ACYP2: variants seen among roughly 807,000 people sequenced by gnomAD.
ACYP2 encodes acylphosphatase-2.
Under a neutral mutation model 11.2 loss-of-function variants are expected in ACYP2, and 12 were observed. The ratio of observed to expected loss-of-function variants is 1.08; its 90% CI spans 0.69 to 1.74. The LOEUF is 1.74. Ranked by LOEUF, ACYP2 falls within the 40% of genes most tolerant of loss-of-function variation. ACYP2 has a pLI of 0.00. For synonymous variants in ACYP2, 43 were observed against 32.2 expected (o/e 1.33, Z -1.13); for missense variants, 134 against 101.9 (o/e 1.31, Z -1.35).
chr2:54,021,124 C>G (rs1027247846), intron 2 of ACYP2, among the ~76,000 whole-genome samples: 1 of 152,074 alleles, frequency 6.6e-6, no homozygotes, highest in Non-Finnish European at 1.5e-5. Context: ...ACAGTCTAAG[C>G]TAATTCTGAT....
chr2:54,255,284 T>A lies in ACYP2; in HGVS notation c.405-49404T>A, dbSNP rs546496228. The A allele has an allele frequency of 1.0e-4, 161 of 1,614,166 alleles. 1 individual carries two copies. In the South Asian group the frequency reaches 1.7e-3, roughly 17 times the overall value. ...AAGAAGAACTTAAACTTGCAGCCTG[T>A]CCTAGGGTGTCTGAGCTCCTTCACT... is the stretch of plus-strand genomic sequence containing the variant. On this transcript the variant is annotated intron_variant, in intron 6 of 6. Coordinates refer to ENST00000607452, the MANE Select transcript of ACYP2 (RefSeq NM_001320586.2).
intron 6 of ACYP2, among the ~76,000 whole-genome samples, chr2:54,191,866 A>C (rs1684255040): frequency 6.6e-6 from 1 of 152,212 alleles, no homozygotes; most frequent in African/African-American, 2.4e-5. Flanking sequence ...TATTAGACAG[A>C]TAATAAACAT....
chr2:53,985,310 G>A (rs913630300), intron 2 of ACYP2, among the ~76,000 whole-genome samples: 9 of 151,776 alleles, frequency 5.9e-5, no homozygotes, highest in African/African-American at 7.3e-5. Flanking sequence ...CTTGTGATCC[G>A]CCTGCCTCAG....
chr2:54,023,384 G>C (rs1247868413), intron 2 of ACYP2, among the ~76,000 whole-genome samples: 1 of 152,116 alleles, frequency 6.6e-6, no homozygotes, highest in Non-Finnish European at 1.5e-5. Context: ...CAAACTCCTA[G>C]GCTCAAGTAG....
At chr2:54,109,271 G>A (rs2103715143) in intron 4 of ACYP2, among the ~76,000 whole-genome samples, 1 of 152,288 alleles carries the variant, frequency 6.6e-6, no homozygotes, top group South Asian at 2.1e-4. Context: ...CAACCTGGAT[G>A]GAACTGGAAA....
At chr2:54,286,769 T>C (rs1477318262) in intron 6 of ACYP2, among the ~76,000 whole-genome samples, 1 of 152,050 alleles carries the variant, frequency 6.6e-6, no homozygotes, top group African/African-American at 2.4e-5. Flanking sequence ...TCTGACATTT[T>C]GTGCTGGTTT....
chr2:54,166,375 G>A (rs1450602080), intron 6 of ACYP2, among the ~76,000 whole-genome samples: 1 of 152,198 alleles, frequency 6.6e-6, no homozygotes, highest in Non-Finnish European at 1.5e-5. Context: ...AGGACTTGAG[G>A]AAAGATGGAT....
In ACYP2 at chr2:54,063,058, T is replaced by C. The variant is rs897755253; in HGVS notation, c.277+5698T>C. Among the ~76,000 whole-genome samples the C allele has an allele frequency of 2.6e-4, 39 of 152,130 alleles. 1 individual carries two copies. The highest frequency in any genetic ancestry group is 4.6e-4 in the Admixed American group (7 of 15,268). On this transcript the variant is annotated intron_variant, in intron 4 of 6. Coordinates refer to ENST00000607452, the MANE Select transcript of ACYP2 (RefSeq NM_001320586.2). ...TTCCTGGGGAGTTCCTGGGGAACAA[T>C]GGTAAGCACAGATAGACTCAATCTC...
At chr2:53,995,487 T>TTTTTA (rs1672529802) in intron 2 of ACYP2, among the ~76,000 whole-genome samples, 1 of 128,978 alleles carries the variant, frequency 7.8e-6, no homozygotes, top group African/African-American at 3.0e-5. Context: ...ATTTATTTAT[T>TTTTTA]TTTTATTTAT....
Position 54,266,590 on chromosome 2 carries a change from CTTTTTTTTTTTTTTTT to C in ACYP2, c.405-38080_405-38065del, listed in dbSNP as rs138812389. On this transcript the variant is annotated intron_variant, in intron 6 of 6. Coordinates refer to ENST00000607452, the MANE Select transcript of ACYP2 (RefSeq NM_001320586.2). ...TAGATAGATATAGATATCTATCTAT[CTTTTTTTTTTTTTTTT>C]TTTTTTTTTTTTTTTTTGAGACGGA... is the stretch of plus-strand genomic sequence containing the variant. Among the ~76,000 whole-genome samples, 508 of 52,290 alleles carry C rather than the reference CTTTTTTTTTTTTTTTT, an allele frequency of 9.7e-3. 8 individuals carry two copies. The highest frequency in any genetic ancestry group is 0.036 in the African/African-American group (480 of 13,238). 34.3% of individuals were successfully genotyped at this position (52,290 alleles called of 152,430 possible).
chr2:53,976,139 C>G (rs931968782), intron 2 of ACYP2, among the ~76,000 whole-genome samples: 3 of 152,196 alleles, frequency 2.0e-5, no homozygotes, highest in African/African-American at 7.2e-5. Flanking sequence ...TCTTAGTTTT[C>G]TCTGTATATA....
At chr2:54,090,944 A>G (rs1678192036) in intron 4 of ACYP2, among the ~76,000 whole-genome samples, 1 of 152,188 alleles carries the variant, frequency 6.6e-6, no homozygotes. Flanking sequence ...GAGGGTAGGA[A>G]TTCTACACTA....
At chr2:54,078,964 C>A (rs959285) in intron 4 of ACYP2, among the ~76,000 whole-genome samples, 56,445 of 151,988 alleles carry the variant, frequency 0.37, 11,305 homozygotes, top group East Asian at 0.68. Flanking sequence ...AAGGGTATGC[C>A]GTAGGCATAT....
chr2:54,166,512 C>G (rs1296683741), intron 6 of ACYP2, among the ~76,000 whole-genome samples: 1 of 152,188 alleles, frequency 6.6e-6, no homozygotes, highest in East Asian at 1.9e-4. Context: ...TTTGCCCTGT[C>G]AATGCCAAGG....
At chr2:54,113,379 A>C (rs1181253109) in intron 4 of ACYP2, among the ~76,000 whole-genome samples, 3 of 151,944 alleles carry the variant, frequency 2.0e-5, no homozygotes, top group Non-Finnish European at 4.4e-5. Context: ...AGTAGCTGGG[A>C]CTACAGGCAC....
chr2:54,010,694 ATCTC>A (rs1673312425), intron 2 of ACYP2, among the ~76,000 whole-genome samples: 1 of 148,302 alleles, frequency 6.7e-6, no homozygotes, highest in African/African-American at 2.5e-5. Context: ...ATCCATTATA[ATCTC>A]TCTCCTTCCT....
intron 6 of ACYP2, among the ~76,000 whole-genome samples, chr2:54,139,266 G>A (rs1204852877): frequency 2.0e-5 from 3 of 152,212 alleles, no homozygotes; most frequent in African/African-American, 4.8e-5. Context: ...GGTTCGTGAA[G>A]TTCTTAGGGT....
At chr2:54,002,755 A>T (rs1268706893) in intron 2 of ACYP2, among the ~76,000 whole-genome samples, 1 of 151,002 alleles carries the variant, frequency 6.6e-6, no homozygotes, top group Non-Finnish European at 1.5e-5. Flanking sequence ...AGGTTCAAGC[A>T]ATTCTCCTGC....
At chr2:54,063,947 G>T (rs922356412) in intron 4 of ACYP2, among the ~76,000 whole-genome samples, 12 of 152,182 alleles carry the variant, frequency 7.9e-5, no homozygotes, top group Non-Finnish European at 1.0e-4. Context: ...GGAGGGGTGA[G>T]ATGGTGTTGA....
Sources: allele counts gnomAD v4.1 joint callset (sites outside exome capture counted in the v4.1 genomes callset), GRCh38; gene constraint gnomAD v4.1.1; transcripts MANE v1.5; gene names NCBI Gene and HGNC (gene_info 2026-07-23, HGNC 2026-07-21).